GTF2F1: variants seen among roughly 807,000 people sequenced by gnomAD.
GTF2F1 encodes the protein general transcription factor IIF 74 kDa subunit.
GTF2F1 carries 39 observed loss-of-function variants against 63.5 expected under a neutral mutation model. The observed-to-expected ratio is 0.61, with a 90% CI of 0.48 to 0.80. The LOEUF (loss-of-function observed/expected upper bound fraction) is 0.80. Ranked by LOEUF, GTF2F1 falls within the 30% of genes least tolerant of loss-of-function variation. The pLI, the probability that GTF2F1 is intolerant of heterozygous loss-of-function variation, is 0.00. For missense variants in GTF2F1, 657 were observed against 718.3 expected, an observed-to-expected ratio of 0.91 and a Z score of 0.97; for synonymous variants, 287 against 285.3, an observed-to-expected ratio of 1.01 and a Z score of -0.06.
At position 6,381,823 on chromosome 19, in the gene GTF2F1, T is replaced by G. The variant is rs2091953515; in HGVS notation, c.710A>C (p.Lys237Thr). The G allele has an allele frequency of 1.9e-6, 3 of 1,613,406 alleles. No homozygotes were observed. The highest frequency in any genetic ancestry group is 1.3e-5 in the African/African-American group (1 of 75,046). The change falls in exon 7 of 13, where the codon AAG (lysine) becomes ACG (threonine). Residue 237 changes from lysine to threonine, a missense_variant. Coordinates refer to ENST00000394456, the MANE Select transcript of GTF2F1 (RefSeq NM_002096.3). The surrounding 1 kb of genome is among the most constrained non-coding windows in gnomAD (Gnocchi z 4.1). ...EGGRVPKAKK[K>T]APLAKGGRKK... ...CCTGCCGCCCTTGGCCAGCGGCGCC[T>G]TCTTCTTGGCCTTGGGGACTCTGCC...
Position 6,381,715 on chromosome 19 carries a change from T to C in GTF2F1, c.818A>G (p.Tyr273Cys), listed in dbSNP as rs752528205. 27 of 1,614,078 alleles carry C rather than the reference T, an allele frequency of 1.7e-5. No homozygotes were observed. The highest frequency in any genetic ancestry group is 2.1e-5 in the Non-Finnish European group (25 of 1,180,036). ...GCCTCACCTGGAGCCGTCTGACATG[T>C]AGTCCACCTCTTGGCCCTCGAAGTC... Reference protein sequence around the residue: ...DGDFEGQEVDYMSDGSSSSQE... With the variant: ...DGDFEGQEVDCMSDGSSSSQE... The change falls in exon 7 of 13, where the codon TAC (tyrosine) becomes TGC (cysteine). Residue 273 changes from tyrosine to cysteine, a missense_variant. Coordinates refer to ENST00000394456, the MANE Select transcript of GTF2F1 (RefSeq NM_002096.3). This position sits in a 1 kb window ranked among gnomAD's most constrained non-coding sequence, Gnocchi z 4.1.
Position 6,380,250 on chromosome 19 carries a change from T to G in GTF2F1, c.*31A>C. ...AAGGGGCAGTGAGAGCCTTAAGTTC[T>G]GGGGGGCAGAGCCATGTATTGGACC... On this transcript the variant is annotated 3_prime_UTR_variant, in exon 13 of 13. Transcript: ENST00000394456. This position sits in a 1 kb window ranked among gnomAD's most constrained non-coding sequence, Gnocchi z 5.3. 6.3e-7 allele frequency: 1 copy of G among 1,579,182 alleles called. No homozygotes were observed. Among genetic ancestry groups the G allele is most frequent in the East Asian group, 2.2e-5 (1 of 44,688 alleles).
At position 6,380,809 on chromosome 19, in the gene GTF2F1, A is replaced by T; in HGVS notation, c.1231+95T>A. On this transcript the variant is annotated intron_variant, in intron 11 of 12. Coordinates refer to ENST00000394456, the MANE Select transcript of GTF2F1 (RefSeq NM_002096.3). This position sits in a 1 kb window ranked among gnomAD's most constrained non-coding sequence, Gnocchi z 5.3. The stretch of plus-strand genomic sequence containing the variant: ...GGGGATCAGGGAGAGACAGGCCTCC[A>T]CCCGCATCTCCATCCCCTCTCTGTC... 6.7e-7 allele frequency: 1 copy of T among 1,493,176 alleles called. No homozygotes were observed. The highest frequency in any genetic ancestry group is 9.0e-7 in the Non-Finnish European group (1 of 1,110,024). The allele number at this position is 1,493,176 out of a possible 1,614,324, so 92.5% of individuals were successfully genotyped here.
chr19:6,384,877 G>A (rs574511506), intron 5 of GTF2F1, among the ~76,000 whole-genome samples: 2 of 151,126 alleles, frequency 1.3e-5, no homozygotes, highest in East Asian at 3.9e-4. Flanking sequence ...TCCACCTCCC[G>A]GGTTCAAGCA....
Position 6,383,943 on chromosome 19 carries a change from C to A in GTF2F1, c.498-448G>T, listed in dbSNP as rs912796155. Among the ~76,000 whole-genome samples the A allele has an allele frequency of 6.6e-6, 1 of 151,606 alleles. No individual in the cohort carries two copies. The highest frequency in any genetic ancestry group is 1.5e-5 in the Non-Finnish European group (1 of 67,894). ...TCCCAGATAGCCGGGGTTCCAGGCGCCTGCCACCACGCCCAGCTAATTTTT... is the reference window on the plus strand; with the variant it reads ...TCCCAGATAGCCGGGGTTCCAGGCGACTGCCACCACGCCCAGCTAATTTTT... On this transcript the variant is annotated intron_variant, in intron 5 of 12. Coordinates refer to ENST00000394456, the MANE Select transcript of GTF2F1 (RefSeq NM_002096.3). The surrounding 1 kb of genome is among the most constrained non-coding windows in gnomAD (Gnocchi z 4.5).
At position 6,380,167 on chromosome 19, in the gene GTF2F1, GC is replaced by G; in HGVS notation, c.*113del. On this transcript the variant is annotated 3_prime_UTR_variant, in exon 13 of 13. Coordinates refer to ENST00000394456, the MANE Select transcript of GTF2F1 (RefSeq NM_002096.3). This position sits in a 1 kb window ranked among gnomAD's most constrained non-coding sequence, Gnocchi z 5.3. ...GCAGGATGTCGAAGGGTCACTGAGA[GC>G]CTGAAGTTCTGGAGGGCAGAGCCAT... 1 of 906,844 alleles carries G rather than the reference GC, an allele frequency of 1.1e-6. No individual in the cohort carries two copies. The highest frequency in any genetic ancestry group is 1.8e-6 in the Non-Finnish European group (1 of 544,478). The allele number at this position is 906,844 out of a possible 1,614,324, so 56.2% of individuals were successfully genotyped here.
chr19:6,386,417 C>A (rs1599213363), intron 5 of GTF2F1, among the ~76,000 whole-genome samples: 2 of 149,136 alleles, frequency 1.3e-5, no homozygotes, highest in South Asian at 2.2e-4. Context: ...AACAAACAAA[C>A]AAAAAAACAC....
Position 6,393,143 on chromosome 19 carries a change from T to A in GTF2F1, c.-148A>T. On this transcript the variant is annotated 5_prime_UTR_variant, in exon 1 of 13. Coordinates refer to ENST00000394456, the MANE Select transcript of GTF2F1 (RefSeq NM_002096.3). ...CCCCAACCCTAGGCGCCTCTGGCGCTGGGAAAAGGTAACCGGAAGAGGCGC... is the reference window on the plus strand; with the variant it reads ...CCCCAACCCTAGGCGCCTCTGGCGCAGGGAAAAGGTAACCGGAAGAGGCGC... The A allele has an allele frequency of 1.0e-6, 1 of 986,368 alleles. No individual in the cohort carries two copies. Among genetic ancestry groups the A allele is most frequent in the Non-Finnish European group, 1.5e-6 (1 of 652,922 alleles). 61.1% of individuals were successfully genotyped at this position (986,368 alleles called of 1,614,324 possible). A position where few individuals can be genotyped will look rare whatever the true frequency, so the allele number is the denominator to read the frequency against.
chr19:6,380,685 G>A lies in GTF2F1; in HGVS notation c.1237C>T (p.Arg413Trp), dbSNP rs190305979. 129 of 1,610,772 alleles carry A rather than the reference G, an allele frequency of 8.0e-5. No homozygotes were observed. The highest frequency in any genetic ancestry group is 2.2e-4 in the East Asian group (10 of 44,870). The stretch of plus-strand genomic sequence containing the variant: ...TTGGCTGCAGGCATCTCGCTCACCC[G>A]CTTCCCTGTGGGAGTGGGGTCAGGG... Reference protein sequence around the residue: ...AAASKLEQGKRVSEMPAAKRL... With the variant: ...AAASKLEQGKWVSEMPAAKRL... The change falls in exon 12 of 13, where the codon CGG (arginine) becomes TGG (tryptophan). Residue 413 changes from arginine to tryptophan, a missense_variant. Transcript: ENST00000394456. The surrounding 1 kb of genome is among the most constrained non-coding windows in gnomAD (Gnocchi z 5.3).
intron 5 of GTF2F1, chr19:6,386,631 G>C (rs8102989): frequency 0.12 from 17,816 of 151,986 alleles, 1,550 homozygotes; most frequent in East Asian, 0.38. Context: ...TTTTAGTAGA[G>C]ACGGGGTTTC....
intron 4 of GTF2F1, 73 bp downstream of exon 4, chr19:6,389,371 C>T (rs1016294032): frequency 1.4e-6 from 2 of 1,387,054 alleles, no homozygotes; most frequent in Non-Finnish European, 1.0e-6. Context: ...GGGTACCCCA[C>T]AAAGTATGTA....
Position 6,383,239 on chromosome 19 carries a change from G to A in GTF2F1, c.682+72C>T. 6.7e-7 allele frequency: 1 copy of A among 1,496,136 alleles called. No individual in the cohort carries two copies. The highest frequency in any genetic ancestry group is 1.2e-5 in the South Asian group (1 of 85,724). 92.7% of individuals were successfully genotyped at this position (1,496,136 alleles called of 1,614,324 possible). ...CATTCTAGGGCCACTGTGAGCGATG[G>A]TAGACTTTGCCTTCACTGGCACTGC... On this transcript the variant is annotated intron_variant, in intron 6 of 12. Coordinates refer to ENST00000394456, the MANE Select transcript of GTF2F1 (RefSeq NM_002096.3). This position sits in a 1 kb window ranked among gnomAD's most constrained non-coding sequence, Gnocchi z 4.5.
Position 6,383,242 on chromosome 19 carries a change from G to T in GTF2F1, c.682+69C>A. On this transcript the variant is annotated intron_variant, in intron 6 of 12. Coordinates refer to ENST00000394456, the MANE Select transcript of GTF2F1 (RefSeq NM_002096.3). This position sits in a 1 kb window ranked among gnomAD's most constrained non-coding sequence, Gnocchi z 4.5. ...TCTAGGGCCACTGTGAGCGATGGTA[G>T]ACTTTGCCTTCACTGGCACTGCCTG... 1 of 1,509,600 alleles carries T rather than the reference G, an allele frequency of 6.6e-7. No homozygotes were observed. The highest frequency in any genetic ancestry group is 9.1e-7 in the Non-Finnish European group (1 of 1,096,674). 93.5% of individuals were successfully genotyped at this position (1,509,600 alleles called of 1,614,324 possible).
chr19:6,382,228 T>C (rs1175207796), intron 6 of GTF2F1, among the ~76,000 whole-genome samples: 2 of 152,120 alleles, frequency 1.3e-5, no homozygotes, highest in African/African-American at 4.8e-5. Flanking sequence ...CAGTGGCTCA[T>C]GCCTGTCATC....
intron 5 of GTF2F1, chr19:6,386,679 G>C (rs892041908): frequency 6.6e-6 from 1 of 152,202 alleles, no homozygotes; most frequent in Non-Finnish European, 1.5e-5. Flanking sequence ...TCCTGACCTC[G>C]TGATCCGCCT....
chr19:6,390,580 T>C (rs2091992961), intron 3 of GTF2F1, among the ~76,000 whole-genome samples: 2 of 139,554 alleles, frequency 1.4e-5, no homozygotes, highest in African/African-American at 5.2e-5. Flanking sequence ...AAGACCAGCC[T>C]GGGCAACATA....
At position 6,381,082 on chromosome 19, in the gene GTF2F1, C is replaced by G; in HGVS notation, c.1092+40G>C. On this transcript the variant is annotated intron_variant, in intron 10 of 12. Transcript: ENST00000394456. The surrounding 1 kb of genome is among the most constrained non-coding windows in gnomAD (Gnocchi z 4.1). The stretch of plus-strand genomic sequence containing the variant: ...GTTGGGAGGTGGGTGAGTCTGCAAA[C>G]AGACGCCCAGGCCTCCCCCGCCACC... 1.2e-6 allele frequency: 2 copies of G among 1,606,426 alleles called. No individual in the cohort carries two copies. Among genetic ancestry groups the G allele is most frequent in the Non-Finnish European group, 1.7e-6 (2 of 1,176,642 alleles).
Position 6,393,039 on chromosome 19 carries a change from T to G in GTF2F1, c.-44A>C, listed in dbSNP as rs2092008047. 3 of 1,612,180 alleles carry G rather than the reference T, an allele frequency of 1.9e-6. No homozygotes were observed. The highest frequency in any genetic ancestry group is 2.5e-6 in the Non-Finnish European group (3 of 1,179,718). On this transcript the variant is annotated 5_prime_UTR_variant, in exon 1 of 13. Transcript: ENST00000394456. The stretch of plus-strand genomic sequence containing the variant: ...CCGATCTGGTCCGACCCGGGTTCCT[T>G]TCGTCTCCTCTGGCGTGCGCGTCCC...
At chr19:6,387,714 G>A (rs192278020) in intron 4 of GTF2F1, among the ~76,000 whole-genome samples, 155 bp from the exon 5 acceptor site, 24 of 142,892 alleles carry the variant, frequency 1.7e-4, no homozygotes, top group African/African-American at 5.4e-4. Context: ...CCTGGGCCTC[G>A]TCAATTTCCA....
Sources: allele counts gnomAD v4.1 joint callset (sites outside exome capture counted in the v4.1 genomes callset), GRCh38; gene constraint gnomAD v4.1.1; non-coding constraint Gnocchi (gnomAD v3.1); transcripts MANE v1.5; gene names NCBI Gene and HGNC (gene_info 2026-07-23, HGNC 2026-07-21).